Variants in PARD3B observed in about 807,000 individuals in gnomAD.
PARD3B encodes partitioning defective 3 homolog B.
Under a neutral mutation model 130.2 loss-of-function variants are expected in PARD3B, and 103 were observed. The ratio of observed to expected loss-of-function variants is 0.79; its 90% confidence interval spans 0.67 to 0.93. The LOEUF (loss-of-function observed/expected upper bound fraction) is 0.93. Among genes scored for constraint, PARD3B ranks in the 40% least tolerant of loss-of-function variants. PARD3B has a pLI of 0.00. For synonymous variants in PARD3B, 583 were observed against 553.2 expected (o/e 1.05, Z -0.76); for missense variants, 1,609 against 1,499.2 (o/e 1.07, Z -1.21).
At chr2:204,950,737 A>G (rs562330183) in intron 2 of PARD3B, among the ~76,000 whole-genome samples, 46 of 152,358 alleles carry the variant, frequency 3.0e-4, no homozygotes, top group Middle Eastern at 3.4e-3. Flanking sequence ...ATTTTCAGTC[A>G]AGAAATATGA....
In PARD3B at chr2:205,300,611, A is replaced by G. The variant is rs1161394973; in HGVS notation, c.2267A>G (p.Glu756Gly). ...SLESLQTAVAEVRKNDLPFHR... is the reference protein window; with the variant it reads ...SLESLQTAVAGVRKNDLPFHR... ...GAGAGTCTGCAGACTGCAGTGGCCG[A>G]GGTCAGGAAGAATGACCTTCCCTTT... The change falls in exon 17 of 23, where the codon GAG becomes GGG. Residue 756 changes from glutamate (E) to glycine (G), a missense_variant. Physicochemically the swap from Glu to Gly is moderately conservative, Grantham distance 98. Transcript: ENST00000406610. This position sits in a 1 kb window ranked among gnomAD's most constrained non-coding sequence, Gnocchi z 4.1. The G allele has an allele frequency of 6.2e-7, 1 of 1,613,954 alleles. No individual in the cohort carries two copies. The highest frequency in any genetic ancestry group is 2.2e-5 in the East Asian group (1 of 44,878).
intron 11 of PARD3B, 112 bp from the exon 12 acceptor site, chr2:205,172,099 G>A (rs554916163): frequency 7.8e-5 from 84 of 1,079,906 alleles, no homozygotes; most frequent in Non-Finnish European, 1.0e-4. Flanking sequence ...CTAACAGCTA[G>A]GTTTTCTTTT....
intron 1 of PARD3B, among the ~76,000 whole-genome samples, chr2:204,640,993 TTACTG>T (rs1357565264): frequency 3.4e-5 from 5 of 147,990 alleles, no homozygotes; most frequent in Admixed American, 6.8e-5. Context: ...ACACACATAT[TTACTG>T]TACATATATA....
chr2:205,137,671 T>C (rs971367885), intron 10 of PARD3B, among the ~76,000 whole-genome samples: 3 of 152,218 alleles, frequency 2.0e-5, no homozygotes, highest in Non-Finnish European at 4.4e-5. Context: ...GGAGCTGCAT[T>C]GAACCAGAGA....
intron 19 of PARD3B, among the ~76,000 whole-genome samples, chr2:205,438,498 CTT>C (rs2047597198): frequency 6.6e-6 from 1 of 152,220 alleles, no homozygotes; most frequent in Non-Finnish European, 1.5e-5. Context: ...TACCCCCTAA[CTT>C]TATTGATGTC....
intron 15 of PARD3B, among the ~76,000 whole-genome samples, chr2:205,206,617 T>G (rs1265937531): frequency 6.6e-6 from 1 of 151,462 alleles, no homozygotes; most frequent in Admixed American, 6.6e-5. Context: ...AGTCTATCAT[T>G]ATTGGACATT....
At chr2:205,340,328 G>A (rs2043475903) in intron 18 of PARD3B, among the ~76,000 whole-genome samples, 1 of 152,038 alleles carries the variant, frequency 6.6e-6, no homozygotes, top group Non-Finnish European at 1.5e-5. Flanking sequence ...AAAGCTGGAG[G>A]CATCACACTG....
At chr2:205,180,959 C>G (rs375498066) in intron 13 of PARD3B, among the ~76,000 whole-genome samples, 1 of 152,146 alleles carries the variant, frequency 6.6e-6, no homozygotes, top group Admixed American at 6.5e-5. Flanking sequence ...ATCTTGCTGG[C>G]AGATCTTACC....
Position 205,160,985 on chromosome 2 carries a change from A to C in PARD3B, c.1620+2078A>C, listed in dbSNP as rs1053718135. Among the ~76,000 whole-genome samples the C allele has an allele frequency of 1.3e-5, 2 of 152,148 alleles. No homozygotes were observed. The highest frequency in any genetic ancestry group is 4.8e-5 in the African/African-American group (2 of 41,446). On this transcript the variant is annotated intron_variant, in intron 11 of 22. Coordinates refer to ENST00000406610, the MANE Select transcript of PARD3B (RefSeq NM_001302769.2). The surrounding 1 kb of genome is among the most constrained non-coding windows in gnomAD (Gnocchi z 4.0). ...GCCTGGAGGTGTCTTGTATGGTGCT[A>C]TCATCCTTAGCCAAGCCATCTAGGT...
intron 2 of PARD3B, among the ~76,000 whole-genome samples, chr2:204,947,121 T>C (rs7605665): frequency 0.25 from 38,203 of 152,066 alleles, 5,087 homozygotes; most frequent in African/African-American, 0.28. Context: ...TTTAACTGAA[T>C]ATCTGGGCAC....
At chr2:205,521,585 A>T (rs538070963) in intron 21 of PARD3B, among the ~76,000 whole-genome samples, 1 of 152,152 alleles carries the variant, frequency 6.6e-6, no homozygotes, top group African/African-American at 2.4e-5. Context: ...GTGAGAGTTC[A>T]TATGAATAGA....
At chr2:205,495,708 C>T (rs1382363585) in intron 20 of PARD3B, among the ~76,000 whole-genome samples, 2 of 152,032 alleles carry the variant, frequency 1.3e-5, no homozygotes, top group African/African-American at 2.4e-5. Flanking sequence ...GCTAGAGGAC[C>T]CAGTCTCTAA....
chr2:204,836,490 C>G (rs1371655608), intron 2 of PARD3B, among the ~76,000 whole-genome samples: 1 of 151,986 alleles, frequency 6.6e-6, no homozygotes, highest in Admixed American at 6.6e-5. Flanking sequence ...TGGCAAAACC[C>G]CGTCTCTACT....
Position 205,236,689 on chromosome 2 carries a change from A to G in PARD3B, c.2141-9089A>G, listed in dbSNP as rs141167747. ...CAAGAAGATTTTATCCCAGGAATAC[A>G]ATGTGACTTTAACATTTGAAATTGA... On this transcript the variant is annotated intron_variant, in intron 15 of 22. Coordinates refer to ENST00000406610, the MANE Select transcript of PARD3B (RefSeq NM_001302769.2). Among the ~76,000 whole-genome samples, 458 of 152,348 alleles carry G rather than the reference A, an allele frequency of 3.0e-3. 3 individuals are homozygous for G. The highest frequency in any genetic ancestry group is 0.01 in the African/African-American group (435 of 41,582).
chr2:204,824,622 T>C (rs2043497866), intron 2 of PARD3B, among the ~76,000 whole-genome samples: 1 of 152,204 alleles, frequency 6.6e-6, no homozygotes, highest in Admixed American at 6.5e-5. Flanking sequence ...TTATGAGTGA[T>C]GAAAAGGAGG....
intron 20 of PARD3B, among the ~76,000 whole-genome samples, chr2:205,441,525 G>C (rs1434224535): frequency 6.6e-6 from 1 of 152,164 alleles, no homozygotes; most frequent in South Asian, 2.1e-4. Flanking sequence ...GGGGAAGAAG[G>C]GTAGCAGGCA....
At chr2:204,648,567 T>G (rs2035352315) in intron 1 of PARD3B, among the ~76,000 whole-genome samples, 1 of 131,358 alleles carries the variant, frequency 7.6e-6, no homozygotes, top group South Asian at 2.1e-4. Context: ...TATATAAATA[T>G]AAATATATAT....
At chr2:204,718,376 A>G (rs1255331800) in intron 2 of PARD3B, among the ~76,000 whole-genome samples, 1 of 152,126 alleles carries the variant, frequency 6.6e-6, no homozygotes. Flanking sequence ...GGCCTCATGA[A>G]TCTTACAATC....
chr2:205,452,410 T>C (rs911629661), intron 20 of PARD3B, among the ~76,000 whole-genome samples: 5 of 152,178 alleles, frequency 3.3e-5, no homozygotes, highest in Admixed American at 1.3e-4. Flanking sequence ...TAGAGATTTG[T>C]TTTTAGTTTT....
Sources: allele counts gnomAD v4.1 joint callset (sites outside exome capture counted in the v4.1 genomes callset), GRCh38; gene constraint gnomAD v4.1.1; non-coding constraint Gnocchi (gnomAD v3.1); transcripts MANE v1.5; gene names NCBI Gene and HGNC (gene_info 2026-07-23, HGNC 2026-07-21).